Variants in CTPS1 observed in about 807,000 individuals in gnomAD.
CTPS1 encodes CTP synthetase 1.
In CTPS1, 25 loss-of-function variants were observed where a neutral mutation model predicts 80.5. The observed-to-expected ratio is 0.31, with a 90% CI of 0.23 to 0.43. The LOEUF is 0.43. CTPS1 is among the 20% of genes least tolerant of loss of function. CTPS1 has a pLI of 1.00. For synonymous variants in CTPS1, 267 were observed against 252.5 expected, an observed-to-expected ratio of 1.06 and a Z score of -0.54; for missense variants, 442 against 725.7, an observed-to-expected ratio of 0.61 and a Z score of 4.49.
At chr1:41,002,658 TAATG>T (rs1161071326) in intron 11 of CTPS1, among the ~76,000 whole-genome samples, 10 of 152,120 alleles carry the variant, frequency 6.6e-5, no homozygotes, top group African/African-American at 2.4e-4. Context: ...AATAAAAACT[TAATG>T]AGAGAGGGTA....
At chr1:41,004,296 C>A (rs1642978570) in intron 12 of CTPS1, 1 of 152,212 alleles carries the variant, frequency 6.6e-6, no homozygotes, top group South Asian at 2.1e-4. Context: ...CTCTGGTGGC[C>A]AGCATATGGT....
At chr1:40,989,955 T>A (rs989563003) in intron 5 of CTPS1, among the ~76,000 whole-genome samples, 1 of 152,182 alleles carries the variant, frequency 6.6e-6, no homozygotes, top group Non-Finnish European at 1.5e-5. Flanking sequence ...ATTAGAGGAC[T>A]GGCTCAGAAG....
chr1:41,006,155 C>A, intron 13 of CTPS1, 61 bp downstream of exon 13: 3 of 1,356,838 alleles, frequency 2.2e-6, no homozygotes, highest in Non-Finnish European at 3.2e-6. Flanking sequence ...CATTTATGAA[C>A]GTGATTGATG....
At chr1:41,001,545 T>C (rs1204015722) in intron 10 of CTPS1, 1 of 165,068 alleles carries the variant, frequency 6.1e-6, no homozygotes, top group African/African-American at 2.4e-5. Flanking sequence ...ACAGAGCTGA[T>C]GAAGAAAGGC....
At chr1:40,983,559 A>T in intron 2 of CTPS1, 103 bp downstream of exon 2, 1 of 934,544 alleles carries the variant, frequency 1.1e-6, no homozygotes, top group Non-Finnish European at 1.6e-6. Context: ...CTGCCTTCTA[A>T]CAGGTCCCTT....
chr1:41,010,337 C>T, intron 18 of CTPS1, 83 bp downstream of exon 18: 4 of 995,958 alleles, frequency 4.0e-6, no homozygotes, highest in Non-Finnish European at 6.1e-6. Flanking sequence ...AAGTTTAGGG[C>T]TGAAAATTTT....
intron 18 of CTPS1, 35 bp downstream of exon 18, chr1:41,010,289 C>T: frequency 6.9e-7 from 1 of 1,448,830 alleles, no homozygotes; most frequent in Non-Finnish European, 9.7e-7. Flanking sequence ...TTTTTAAAAA[C>T]ATGGTGATAA....
chr1:41,003,298 C>A, intron 12 of CTPS1, 122 bp downstream of exon 12: 1 of 1,016,736 alleles, frequency 9.8e-7, no homozygotes, highest in South Asian at 1.4e-5. Context: ...CCTAGCACCT[C>A]ATGGTGTGCC....
At chr1:41,006,345 T>G (rs866224158) in intron 13 of CTPS1, among the ~76,000 whole-genome samples, 10 of 152,284 alleles carry the variant, frequency 6.6e-5, no homozygotes, top group South Asian at 4.1e-4. Flanking sequence ...AGGGGATTCC[T>G]GATTAAAATT....
intron 1 of CTPS1, chr1:40,980,309 C>T (rs1651817466): frequency 6.6e-6 from 1 of 151,964 alleles, no homozygotes; most frequent in Admixed American, 6.6e-5. Flanking sequence ...CGGGCTCAGC[C>T]GCCCGGGGCT....
intron 2 of CTPS1, among the ~76,000 whole-genome samples, chr1:40,984,374 C>T (rs1206909557): frequency 2.0e-5 from 3 of 152,164 alleles, no homozygotes; most frequent in African/African-American, 7.2e-5. Flanking sequence ...AAGCAGAGCT[C>T]GGAAGCTGAT....
At chr1:40,983,023 G>A in intron 1 of CTPS1, 1 of 297,242 alleles carries the variant, frequency 3.4e-6, no homozygotes, top group Non-Finnish European at 6.3e-6. Flanking sequence ...AGTTGTCAAA[G>A]CTTTAAACAA....
At chr1:40,986,356 G>A (rs186766994) in intron 3 of CTPS1, among the ~76,000 whole-genome samples, 42 of 152,332 alleles carry the variant, frequency 2.8e-4, no homozygotes, top group African/African-American at 9.1e-4. Flanking sequence ...AGGGGAGGCC[G>A]GCATAGCTAA....
At position 40,983,286 on chromosome 1, in the gene CTPS1, G is replaced by A; in HGVS notation, c.-5G>A. 6.2e-7 allele frequency: 1 copy of A among 1,611,472 alleles called. No individual in the cohort carries two copies. The highest frequency in any genetic ancestry group is 1.3e-5 in the African/African-American group (1 of 74,966). ...ATTTTTCCTTCTTCCAGGTCAAAGA[G>A]TAAAATGAAGTACATTCTGGTTACT... is the stretch of plus-strand genomic sequence containing the variant. On this transcript the variant is annotated 5_prime_UTR_variant, in exon 2 of 19. Coordinates refer to ENST00000650070, the MANE Select transcript of CTPS1 (RefSeq NM_001905.4).
intron 4 of CTPS1, 142 bp from the exon 5 acceptor site, chr1:40,988,452 G>A (rs1642514946): frequency 1.6e-6 from 1 of 642,568 alleles, no homozygotes; most frequent in Non-Finnish European, 2.8e-6. Flanking sequence ...CCTGTTAACT[G>A]TTAACTAACA....
intron 2 of CTPS1, among the ~76,000 whole-genome samples, chr1:40,984,371 G>C (rs1318621242): frequency 6.6e-6 from 1 of 152,240 alleles, no homozygotes; most frequent in African/African-American, 2.4e-5. Context: ...CAAAAGCAGA[G>C]CTCGGAAGCT....
intron 17 of CTPS1, 65 bp downstream of exon 17, chr1:41,009,654 C>G (rs985804191): frequency 2.1e-5 from 33 of 1,561,272 alleles, no homozygotes; most frequent in South Asian, 1.8e-4. Flanking sequence ...GTCGCTGATT[C>G]ATTACAGCAA....
chr1:41,008,539 TA>T (rs1643091267), intron 14 of CTPS1, 119 bp from the exon 15 acceptor site: 1 of 995,084 alleles, frequency 1.0e-6, no homozygotes, highest in South Asian at 1.4e-5. Context: ...TTCATAGAAA[TA>T]GCCCTCAAAA....
chr1:41,005,850 G>A (rs1470113739), intron 12 of CTPS1, among the ~76,000 whole-genome samples: 1 of 152,168 alleles, frequency 6.6e-6, no homozygotes, highest in Admixed American at 6.5e-5. Context: ...GCTGCAGTGA[G>A]CTATGATCGC....
Sources: gnomAD v4.1 joint callset for allele counts (sites outside exome capture counted in the v4.1 genomes callset) on GRCh38, gnomAD v4.1.1 for gene constraint, MANE v1.5 for transcripts, NCBI Gene and HGNC (gene_info 2026-07-23, HGNC 2026-07-21) for gene names.